The following CNTNAP3B variants were observed in gnomAD, a reference collection of about 807,000 sequenced individuals.
CNTNAP3B encodes the protein contactin associated protein family member 3B.
Under a neutral mutation model 108.9 loss-of-function variants are expected in CNTNAP3B, and 25 were observed. That is an observed-to-expected ratio of 0.23 (90% CI 0.17 to 0.32). The LOEUF (loss-of-function observed/expected upper bound fraction) is 0.32. CNTNAP3B is among the 10% of genes least tolerant of loss of function. The probability of loss-of-function intolerance (pLI) is 1.00; values close to 1 mark genes in which losing one functional copy is unlikely to be tolerated. For missense variants in CNTNAP3B, 252 were observed against 1,210.4 expected, an observed-to-expected ratio of 0.21 and a Z score of 11.75; for synonymous variants, 103 against 473.4, an observed-to-expected ratio of 0.22 and a Z score of 10.16.
At chr9:42,063,246 T>G (rs1364946219) in intron 3 of CNTNAP3B, among the ~76,000 whole-genome samples, 2 of 127,950 alleles carry the variant, frequency 1.6e-5, no homozygotes, top group Non-Finnish European at 3.3e-5. Context: ...ACTCTTGACT[T>G]TGTGTGTGTG....
Position 42,015,592 on chromosome 9 carries a change from C to T in CNTNAP3B, c.391-2067G>A, listed in dbSNP as rs1208255171. ...AGGGCCAGAGTACTAATTGAGATAA[C>T]ACCTGGAAATCAATCAGCCCACCAC... On this transcript the variant is annotated intron_variant, in intron 3 of 23. Coordinates refer to ENST00000377561, the MANE Select transcript of CNTNAP3B (RefSeq NM_001201380.3). Among the ~76,000 whole-genome samples the T allele has an allele frequency of 5.6e-5, 4 of 70,832 alleles. 1 individual carries two copies. In the East Asian group the frequency reaches 2.8e-3, roughly 50 times the overall value. The allele number at this position is 70,832 out of a possible 152,430, so 46.5% of individuals were successfully genotyped here.
At chr9:41,930,514 G>T (rs1478333217) in intron 14 of CNTNAP3B, among the ~76,000 whole-genome samples, 6 of 152,016 alleles carry the variant, frequency 3.9e-5, no homozygotes, top group Non-Finnish European at 5.9e-5. Context: ...CTGCACTCCA[G>T]CCTGGGTGGC....
chr9:41,944,198 C>G lies in CNTNAP3B; in HGVS notation c.2081-5798G>C, dbSNP rs1204355315. Reference sequence around the variant, plus strand: ...GCAAGCCATGTTAATAGAAGTTCCTCAGAGAAAAGAAAAACAATATAGGTC... The same window carrying G: ...GCAAGCCATGTTAATAGAAGTTCCTGAGAGAAAAGAAAAACAATATAGGTC... On this transcript the variant is annotated intron_variant, in intron 13 of 23. Transcript: ENST00000377561. 5.4e-5 allele frequency among the ~76,000 whole-genome samples: 8 copies of G among 147,984 alleles called. No individual in the cohort carries two copies. In the East Asian group the frequency reaches 1.4e-3, roughly 25 times the overall value.
At position 41,933,359 on chromosome 9, in the gene CNTNAP3B, G is replaced by A. The variant is rs915953322; in HGVS notation, c.2238-3915C>T. 5.9e-5 allele frequency among the ~76,000 whole-genome samples: 9 copies of A among 152,402 alleles called. No individual in the cohort carries two copies. The South Asian group carries it at 8.3e-4, about 14-fold the overall frequency. On this transcript the variant is annotated intron_variant, in intron 14 of 23. Transcript: ENST00000377561. ...TCAGACAATGCCAAATGTCCCAAGA[G>A]TCGAAATCACCCCCGATTGAGAACT...
chr9:41,954,641 C>A (rs1244729013), intron 12 of CNTNAP3B, among the ~76,000 whole-genome samples: 3 of 152,266 alleles, frequency 2.0e-5, no homozygotes, highest in Non-Finnish European at 4.4e-5. Flanking sequence ...TCCATGGGTT[C>A]TTCCTTTAAT....
intron 10 of CNTNAP3B, among the ~76,000 whole-genome samples, chr9:41,967,859 A>T (rs1454263391): frequency 6.6e-6 from 1 of 152,398 alleles, no homozygotes; most frequent in African/African-American, 2.4e-5. Flanking sequence ...GCTTTCTTAA[A>T]ATCCTTATCT....
intron 7 of CNTNAP3B, chr9:41,993,300 CA>C (rs1444163604): frequency 8.3e-6 from 1 of 121,082 alleles, no homozygotes; most frequent in African/African-American, 3.4e-5. Flanking sequence ...AAACAATTTT[CA>C]AAACAGAATC....
At chr9:42,125,447 A>G (rs1252631921) in intron 1 of CNTNAP3B, among the ~76,000 whole-genome samples, 1 of 142,016 alleles carries the variant, frequency 7.0e-6, no homozygotes, top group Non-Finnish European at 1.5e-5. Flanking sequence ...ACTACCCAGC[A>G]TGGATGCCTA....
rs1294888545 is a variant in CNTNAP3B at position 42,103,527 on chromosome 9, C to T, written c.196+1102G>A. On this transcript the variant is annotated intron_variant, in intron 2 of 23. Transcript: ENST00000377561. ...TCAGGAGGTGAGGAGATCCAGACCA[C>T]CTTGGCTAACATGGTGAAACCCCGT... 4.1e-5 allele frequency among the ~76,000 whole-genome samples: 5 copies of T among 122,354 alleles called. 1 individual carries two copies. Among genetic ancestry groups the T allele is most frequent in the Admixed American group, 2.5e-4 (3 of 12,138 alleles). 80.3% of individuals were successfully genotyped at this position (122,354 alleles called of 152,430 possible). A position where few individuals can be genotyped will look rare whatever the true frequency, so the allele number is the denominator to read the frequency against.
chr9:42,108,038 T>C (rs1828117208), intron 1 of CNTNAP3B, among the ~76,000 whole-genome samples: 2 of 135,802 alleles, frequency 1.5e-5, no homozygotes, highest in South Asian at 4.8e-4. Flanking sequence ...CATAAGAACA[T>C]ATCTGGTACC....
intron 17 of CNTNAP3B, among the ~76,000 whole-genome samples, chr9:41,921,295 T>A (rs1210669484): frequency 9.8e-4 from 149 of 152,306 alleles, no homozygotes; most frequent in Non-Finnish European, 1.3e-3. Flanking sequence ...CTCCGTGTAG[T>A]CCTCCTTTCC....
At chr9:41,939,020 C>T (rs1824247214) in intron 13 of CNTNAP3B, among the ~76,000 whole-genome samples, 1 of 152,254 alleles carries the variant, frequency 6.6e-6, no homozygotes, top group Non-Finnish European at 1.5e-5. Context: ...CCTGGGTCAA[C>T]TACAGCTCTG....
rs544098349 is a variant in CNTNAP3B, at chr9:41,996,311, C to T, written c.965G>A (p.Arg322Gln). ...ATGAAAGCTTTTACGTGTGAATGCC[C>T]GTGATCTTCCGGGTGACAGAATTCC... ...FGGILSPGRS[R>Q]AFTRKSFHGC... The change falls in exon 7 of 24, where the codon CGG (arginine) becomes CAG (glutamine). Residue 322 changes from arginine (R) to glutamine (Q), a missense_variant. Transcript: ENST00000377561. 1.9e-4 allele frequency: 290 copies of T among 1,541,648 alleles called. 56 individuals carry two copies. The African/African-American group carries it at 3.7e-3, about 20-fold the overall frequency.
At chr9:42,089,872 G>A (rs980174443) in intron 2 of CNTNAP3B, among the ~76,000 whole-genome samples, 4 of 139,770 alleles carry the variant, frequency 2.9e-5, no homozygotes, top group Non-Finnish European at 4.6e-5. Flanking sequence ...TCAAACCCAC[G>A]GGCTTGCTCC....
chr9:42,066,241 C>T (rs1184152996), intron 3 of CNTNAP3B, among the ~76,000 whole-genome samples: 2 of 135,188 alleles, frequency 1.5e-5, no homozygotes, highest in Non-Finnish European at 3.1e-5. Context: ...CTTTCTTTTC[C>T]CATGTAGCTT....
chr9:41,988,346 T>C (rs1211141448), intron 8 of CNTNAP3B, among the ~76,000 whole-genome samples: 1 of 126,586 alleles, frequency 7.9e-6, no homozygotes, highest in East Asian at 2.3e-4. Context: ...CCTTCTGGGT[T>C]CAAGCCATTC....
chr9:42,085,878 C>T (rs1051090232), intron 2 of CNTNAP3B, among the ~76,000 whole-genome samples: 19 of 144,632 alleles, frequency 1.3e-4, no homozygotes, highest in South Asian at 4.3e-4. Flanking sequence ...GAAATCATGG[C>T]CTATCAGTAG....
In CNTNAP3B at chr9:42,012,378, CT is replaced by C. The variant is rs1826145642; in HGVS notation, c.538+999del. ...ATTTAGCCCTGTAGAAATGTAAACA[CT>C]AAAAAACAAGCAGAGTTAGGAAATG... On this transcript the variant is annotated intron_variant, in intron 4 of 23. Coordinates refer to ENST00000377561, the MANE Select transcript of CNTNAP3B (RefSeq NM_001201380.3). 2.8e-5 allele frequency among the ~76,000 whole-genome samples: 3 copies of C among 108,708 alleles called. 1 individual carries two copies. The highest frequency in any genetic ancestry group is 5.6e-5 in the Non-Finnish European group (3 of 53,618). The allele number at this position is 108,708 out of a possible 152,430, so 71.3% of individuals were successfully genotyped here.
chr9:41,920,999 C>T (rs879395882), intron 17 of CNTNAP3B, among the ~76,000 whole-genome samples: 9,593 of 135,976 alleles, frequency 0.071, no homozygotes, highest in African/African-American at 0.095. Context: ...GTGACAAACA[C>T]CATTATGAAG....
Sources: allele counts gnomAD v4.1 joint callset (sites outside exome capture counted in the v4.1 genomes callset), GRCh38; gene constraint gnomAD v4.1.1; transcripts MANE v1.5; gene names NCBI Gene and HGNC (gene_info 2026-07-23, HGNC 2026-07-21).